The following KRCC1 variants were observed in gnomAD, a reference collection of about 807,000 sequenced individuals.
KRCC1 encodes the protein lysine rich coiled-coil 1.
A neutral mutation model predicts 7.4 loss-of-function variants in KRCC1; 3 were observed. That is an observed-to-expected ratio of 0.40 (90% CI 0.18 to 1.04). The LOEUF is 1.04. Among genes scored for constraint, KRCC1 ranks in the 50% least tolerant of loss-of-function variants. The probability of loss-of-function intolerance (pLI) is 0.33; values close to 1 mark genes in which losing one functional copy is unlikely to be tolerated. For synonymous variants in KRCC1, 102 were observed against 101.6 expected (o/e 1.00, Z -0.02); for missense variants, 277 against 300.9 (o/e 0.92, Z 0.59).
chr2:88,029,473 T>A (rs1672951274), intron 3 of KRCC1, among the ~76,000 whole-genome samples: 1 of 152,302 alleles, frequency 6.6e-6, no homozygotes, highest in East Asian at 1.9e-4. Context: ...CTTTTAGGTA[T>A]CAGGTATGAG....
intron 3 of KRCC1, among the ~76,000 whole-genome samples, chr2:88,030,853 A>G (rs1672977976): frequency 6.6e-6 from 1 of 152,244 alleles, no homozygotes. Context: ...TTGGTCAACA[A>G]TGGACTGAAT....
In KRCC1 at chr2:88,044,591, G is replaced by C. The variant is rs780637790; in HGVS notation, c.-290-7540C>G. Among the ~76,000 whole-genome samples the C allele has an allele frequency of 8.5e-5, 13 of 152,144 alleles. 1 individual carries two copies. The highest frequency in any genetic ancestry group is 1.9e-4 in the Non-Finnish European group (13 of 68,038). ...ACTTCAGAAAAGAATATATACTAAT[G>C]ACTAAGTAAATATGAATTAAACCAC... is the stretch of plus-strand genomic sequence containing the variant. On this transcript the variant is annotated intron_variant, in intron 1 of 3. Coordinates refer to ENST00000347055, the MANE Select transcript of KRCC1 (RefSeq NM_016618.3).
chr2:88,031,084 T>C (rs1409662831), intron 3 of KRCC1, among the ~76,000 whole-genome samples: 1 of 152,074 alleles, frequency 6.6e-6, no homozygotes, highest in African/African-American at 2.4e-5. Context: ...TTAGAGTATA[T>C]TCTTTCTCCT....
intron 3 of KRCC1, among the ~76,000 whole-genome samples, chr2:88,030,560 G>T (rs1213810954): frequency 6.6e-6 from 1 of 151,952 alleles, no homozygotes; most frequent in Non-Finnish European, 1.5e-5. Flanking sequence ...ATGTTTAAAA[G>T]CACTGATCAG....
At chr2:88,048,842 G>C (rs1432242594) in intron 1 of KRCC1, among the ~76,000 whole-genome samples, 1 of 152,158 alleles carries the variant, frequency 6.6e-6, no homozygotes, top group East Asian at 1.9e-4. Flanking sequence ...TGGGAGACTA[G>C]GCAACTGATT....
chr2:88,030,602 T>C (rs1672974045), intron 3 of KRCC1, among the ~76,000 whole-genome samples: 1 of 152,126 alleles, frequency 6.6e-6, no homozygotes, highest in Non-Finnish European at 1.5e-5. Flanking sequence ...CACAATGAGA[T>C]ACCACTATGC....
At chr2:88,030,060 C>A (rs1199479387) in intron 3 of KRCC1, among the ~76,000 whole-genome samples, 1 of 150,814 alleles carries the variant, frequency 6.6e-6, no homozygotes, top group South Asian at 2.1e-4. Flanking sequence ...GTTGGCCAGG[C>A]TGGTCTCCAA....
At chr2:88,029,090 C>T (rs1357909988) in intron 3 of KRCC1, among the ~76,000 whole-genome samples, 1 of 152,156 alleles carries the variant, frequency 6.6e-6, no homozygotes. Flanking sequence ...AGGTCACGTA[C>T]CAGTAACTTT....
intron 2 of KRCC1, among the ~76,000 whole-genome samples, chr2:88,035,429 C>A (rs1029072628): frequency 1.3e-5 from 2 of 152,064 alleles, no homozygotes; most frequent in Admixed American, 6.6e-5. Flanking sequence ...AATGAGGATG[C>A]CATGGTTAGA....
At chr2:88,054,169 G>A (rs1186180990) in intron 1 of KRCC1, among the ~76,000 whole-genome samples, 1 of 152,198 alleles carries the variant, frequency 6.6e-6, no homozygotes, top group Non-Finnish European at 1.5e-5. Flanking sequence ...TAGGGGCAAT[G>A]TGTTGGAGAA....
At chr2:88,048,757 C>T (rs1673401107) in intron 1 of KRCC1, among the ~76,000 whole-genome samples, 2 of 152,178 alleles carry the variant, frequency 1.3e-5, no homozygotes, top group Admixed American at 1.3e-4. Flanking sequence ...TGTTTTATGC[C>T]TGCTCTTAGG....
At chr2:88,051,695 C>G (rs1673490979) in intron 1 of KRCC1, among the ~76,000 whole-genome samples, 1 of 152,160 alleles carries the variant, frequency 6.6e-6, no homozygotes, top group South Asian at 2.1e-4. Context: ...TCAACCTTAA[C>G]AGAGATTACT....
intron 2 of KRCC1, among the ~76,000 whole-genome samples, chr2:88,035,026 C>A (rs558694418): frequency 3.9e-5 from 6 of 152,142 alleles, no homozygotes; most frequent in Non-Finnish European, 5.9e-5. Context: ...TAGGTATATA[C>A]CCCAAAGAAC....
At chr2:88,051,907 C>A (rs1673495450) in intron 1 of KRCC1, among the ~76,000 whole-genome samples, 1 of 152,260 alleles carries the variant, frequency 6.6e-6, no homozygotes, top group Non-Finnish European at 1.5e-5. Flanking sequence ...CTCGACACTT[C>A]TGGCATTATG....
chr2:88,052,097 G>A (rs556031143), intron 1 of KRCC1, among the ~76,000 whole-genome samples: 1 of 152,338 alleles, frequency 6.6e-6, no homozygotes, highest in Admixed American at 6.5e-5. Context: ...AATCCCAATT[G>A]CAGGATAGCT....
rs1006071834 is a variant in KRCC1 at position 88,028,646 on chromosome 2, T to C, written c.-22-61A>G. ...TTGTCCTGAGCATTTCCTTTGCTCT[T>C]TTTTTTTTTTTTTTTTTTCTTGAGA... is the stretch of plus-strand genomic sequence containing the variant. On this transcript the variant is annotated intron_variant, in intron 3 of 3. Coordinates refer to ENST00000347055, the MANE Select transcript of KRCC1 (RefSeq NM_016618.3). 1.1e-5 allele frequency: 7 copies of C among 664,250 alleles called. No homozygotes were observed. The African/African-American group carries it at 1.3e-4, about 12-fold the overall frequency. 41.1% of individuals were successfully genotyped at this position (664,250 alleles called of 1,614,324 possible).
intron 1 of KRCC1, among the ~76,000 whole-genome samples, chr2:88,052,094 A>G (rs987290117): frequency 6.6e-6 from 1 of 152,236 alleles, no homozygotes; most frequent in Non-Finnish European, 1.5e-5. Context: ...CAAAATCCCA[A>G]TTGCAGGATA....
Position 88,028,473 on chromosome 2 carries a change from T to C in KRCC1, c.91A>G (p.Thr31Ala), listed in dbSNP as rs1558829493. 1.9e-6 allele frequency: 3 copies of C among 1,613,850 alleles called. No individual in the cohort carries two copies. The highest frequency in any genetic ancestry group is 2.5e-6 in the Non-Finnish European group (3 of 1,179,792). ...TCCCCTTTCATCTTTCTGAAACAAG[T>C]CTTTGGCTCTAAGCCTCTGGCTTTC... ...VQKARGLEPK[T>A]CFRKMKGDYL... Residue 31 changes from threonine (T) to alanine (A), a missense_variant, in exon 4 of 4, where the codon ACT (threonine) becomes GCT (alanine). By Grantham distance (58) the Thr-to-Ala change is moderately conservative. Coordinates refer to ENST00000347055, the MANE Select transcript of KRCC1 (RefSeq NM_016618.3).
intron 3 of KRCC1, among the ~76,000 whole-genome samples, chr2:88,033,034 A>T (rs1221331834): frequency 6.6e-6 from 1 of 152,202 alleles, no homozygotes; most frequent in Non-Finnish European, 1.5e-5. Context: ...CTATAATAAC[A>T]GTGGTTGCTT....
Sources: allele counts gnomAD v4.1 joint callset (sites outside exome capture counted in the v4.1 genomes callset), GRCh38; gene constraint gnomAD v4.1.1; transcripts MANE v1.5; gene names NCBI Gene and HGNC (gene_info 2026-07-23, HGNC 2026-07-21).